RRP9: variants seen among roughly 807,000 people sequenced by gnomAD.
RRP9 encodes the protein ribosomal RNA processing 9, U3 small nucleolar RNA binding protein, also known as U3 small nucleolar RNA-interacting protein 2.
Under a neutral mutation model 65.5 loss-of-function variants are expected in RRP9, and 35 were observed. The observed-to-expected ratio is 0.53, with a 90% CI of 0.41 to 0.71. The LOEUF (loss-of-function observed/expected upper bound fraction) is 0.71, where lower values mean the gene tolerates loss of function less well. Among genes scored for constraint, RRP9 ranks in the 30% least tolerant of loss-of-function variants. RRP9 has a pLI of 0.00. For missense variants in RRP9, 533 were observed against 633.6 expected (o/e 0.84, Z 1.70); for synonymous variants, 254 against 245.0 (o/e 1.04, Z -0.34).
chr3:51,935,622 T>C lies in RRP9; in HGVS notation c.806A>G (p.Asn269Ser), dbSNP rs765933325. 1.9e-6 allele frequency: 3 copies of C among 1,614,176 alleles called. No homozygotes were observed. The South Asian group carries it at 3.3e-5, about 18-fold the overall frequency. The change falls in exon 9 of 15, where the codon AAT becomes AGT. Residue 269 changes from asparagine to serine, a missense_variant. This residue lies in a region of RRP9 where 449 missense variants were observed against 550.6 expected (regional missense o/e 0.82). Transcript: ENST00000232888. ...TSHDRSVKVWNVAENSYVETL... is the reference protein window; with the variant it reads ...TSHDRSVKVWSVAENSYVETL... ...CTCCACGTAGGAGTTCTCTGCCACATTCCACACCTTCACGGAGCGATCGTG... is the reference window on the plus strand; with the variant it reads ...CTCCACGTAGGAGTTCTCTGCCACACTCCACACCTTCACGGAGCGATCGTG...
chr3:51,936,635 A>T, intron 6 of RRP9, 80 bp from the exon 7 acceptor site: 1 of 1,456,944 alleles, frequency 6.9e-7, no homozygotes, highest in Non-Finnish European at 9.4e-7. Context: ...GGCAGCATGG[A>T]AAAAAGAGCC....
rs1023379376 is a variant in RRP9 at position 51,941,828 on chromosome 3, C to T, written c.40G>A (p.Ala14Thr). Reference sequence around the variant, plus strand: ...CCCGCGCCAGCCCCGGCCCCAGAGGCCGGCTTTCCCCGCTTACGAGCAGCC... The same window carrying T: ...CCCGCGCCAGCCCCGGCCCCAGAGGTCGGCTTTCCCCGCTTACGAGCAGCC... Reference protein sequence around the residue: ...TAAARKRGKPASGAGAGAGAG... With the variant: ...TAAARKRGKPTSGAGAGAGAG... Residue 14 changes from alanine to threonine, a missense_variant, in exon 1 of 15, where the codon GCC becomes ACC. By Grantham distance (58) the Ala-to-Thr change is moderately conservative. Around this residue, in one of 3 missense-constraint regions of RRP9, gnomAD observed 77 missense variants for 60.5 expected, o/e 1.27. Transcript: ENST00000232888. The T allele has an allele frequency of 2.5e-6, 4 of 1,582,252 alleles. No individual in the cohort carries two copies. The highest frequency in any genetic ancestry group is 1.1e-5 in the South Asian group (1 of 88,204).
chr3:51,936,960 A>C, intron 6 of RRP9, among the ~76,000 whole-genome samples: 1 of 152,210 alleles, frequency 6.6e-6, no homozygotes, highest in East Asian at 1.9e-4. Flanking sequence ...ATTAATTCCC[A>C]TTAAATCATC....
rs779834933 is a variant in RRP9, at chr3:51,935,416, C to T, written c.897G>A (p.Thr299=). Reference sequence around the variant, plus strand: ...GTACAGTCCCATCCCGGCCCCCAGCCGTCACACAGCACTCCCGGCTCAAGG... The same window carrying T: ...GTACAGTCCCATCCCGGCCCCCAGCTGTCACACAGCACTCCCGGCTCAAGG... ...LDALSRECCV[T]AGGRDGTVRV... Residue 299 remains threonine, a synonymous_variant, in exon 10 of 15, where the codon ACG becomes ACA. Coordinates refer to ENST00000232888, the MANE Select transcript of RRP9 (RefSeq NM_004704.5). 9 of 1,614,190 alleles carry T rather than the reference C, an allele frequency of 5.6e-6. No homozygotes were observed. The highest frequency in any genetic ancestry group is 2.2e-5 in the South Asian group (2 of 91,076).
intron 6 of RRP9, among the ~76,000 whole-genome samples, chr3:51,936,802 T>C (rs45494795): frequency 1.3e-5 from 2 of 152,274 alleles, no homozygotes; most frequent in Non-Finnish European, 2.9e-5. Flanking sequence ...GGCTTTGGGA[T>C]TGATGGTGTG....
In RRP9 at chr3:51,934,600, A is replaced by T; in HGVS notation, c.1180+31T>A. The T allele has an allele frequency of 6.2e-7, 1 of 1,613,018 alleles. No individual in the cohort carries two copies. On this transcript the variant is annotated intron_variant, in intron 12 of 14. Coordinates refer to ENST00000232888, the MANE Select transcript of RRP9 (RefSeq NM_004704.5). The surrounding 1 kb of genome is among the most constrained non-coding windows in gnomAD (Gnocchi z 4.1). ...AACCCCTGCACCGGCCCACCCGGCG[A>T]CCCCTCCTCCCTGCCTCTCAGGGCA...
In RRP9 at chr3:51,935,487, G is replaced by A. The variant is rs1699447839; in HGVS notation, c.837-11C>T. ...TCCTGGTGTCCGAAGCTAGAGGGCC[G>A]GGCAGAGCAGGATAGTGGGGATAGG... On this transcript the variant is annotated splice_polypyrimidine_tract_variant and intron_variant, in intron 9 of 14. Coordinates refer to ENST00000232888, the MANE Select transcript of RRP9 (RefSeq NM_004704.5). 16 of 1,613,942 alleles carry A rather than the reference G, an allele frequency of 9.9e-6. No individual in the cohort carries two copies. The highest frequency in any genetic ancestry group is 6.7e-5 in the East Asian group (3 of 44,866).
At chr3:51,940,233 G>C (rs1577652678) in intron 2 of RRP9, among the ~76,000 whole-genome samples, 2 of 151,960 alleles carry the variant, frequency 1.3e-5, no homozygotes, top group African/African-American at 4.8e-5. Flanking sequence ...TCCAGCCTGG[G>C]CAACAGAGTG....
chr3:51,937,352 T>C lies in RRP9; in HGVS notation c.391-34A>G. Reference sequence around the variant, plus strand: ...ACAGGGGCCAGGTCACTGTGGCTAGTGGCATAAAGGCACTACCTTCACCAA... The same window carrying C: ...ACAGGGGCCAGGTCACTGTGGCTAGCGGCATAAAGGCACTACCTTCACCAA... On this transcript the variant is annotated intron_variant, in intron 5 of 14. Transcript: ENST00000232888. This position sits in a 1 kb window ranked among gnomAD's most constrained non-coding sequence, Gnocchi z 5.0. 2 of 1,613,596 alleles carry C rather than the reference T, an allele frequency of 1.2e-6. No individual in the cohort carries two copies. Among genetic ancestry groups the C allele is most frequent in the Non-Finnish European group, 8.5e-7 (1 of 1,179,882 alleles).
rs1252389898 is a variant in RRP9 at position 51,937,298 on chromosome 3, A to C, written c.411T>G (p.Ala137=). The C allele has an allele frequency of 1.2e-6, 2 of 1,614,174 alleles. No homozygotes were observed. Among genetic ancestry groups the C allele is most frequent in the Non-Finnish European group, 1.7e-6 (2 of 1,180,016 alleles). The part of the protein sequence containing the change: ...VAKEIQAPAS[A]DIRVLRGHQL... ...GGTGCCCCCGTAAAACGCGAATGTC[A>C]GCTGAGGCTGGGGCCTGGATCTGGG... The change falls in exon 6 of 15, where the codon GCT becomes GCG. Residue 137 remains alanine, a synonymous_variant. Transcript: ENST00000232888. The surrounding 1 kb of genome is among the most constrained non-coding windows in gnomAD (Gnocchi z 5.0).
At chr3:51,939,598 T>C (rs988648905) in intron 2 of RRP9, among the ~76,000 whole-genome samples, 10 of 152,230 alleles carry the variant, frequency 6.6e-5, no homozygotes, top group African/African-American at 2.2e-4. Flanking sequence ...CACAACTGTG[T>C]GTGTTTGTCA....
At chr3:51,936,384 C>T (rs1699459530) in intron 7 of RRP9, 35 bp from the exon 8 acceptor site, 1 of 1,614,086 alleles carries the variant, frequency 6.2e-7, no homozygotes. Flanking sequence ...CAGGCACCCA[C>T]CATGCACCAG....
chr3:51,935,036 G>A (rs538255556), intron 11 of RRP9, among the ~76,000 whole-genome samples, 161 bp downstream of exon 11: 9 of 152,030 alleles, frequency 5.9e-5, no homozygotes, highest in South Asian at 2.1e-4. Flanking sequence ...CACACAGCCC[G>A]GACAAGGCCA....
chr3:51,933,884 C>T (rs1699420623), intron 13 of RRP9, 103 bp from the exon 14 acceptor site: 1 of 1,082,064 alleles, frequency 9.2e-7, no homozygotes, highest in Non-Finnish European at 1.4e-6. Context: ...GGGTTAAATC[C>T]CTGCTCTGCC....
chr3:51,937,368 C>T lies in RRP9; in HGVS notation c.391-50G>A, dbSNP rs965047217. The T allele has an allele frequency of 1.2e-6, 2 of 1,612,360 alleles. No homozygotes were observed. Among genetic ancestry groups the T allele is most frequent in the East Asian group, 2.2e-5 (1 of 44,860 alleles). On this transcript the variant is annotated intron_variant, in intron 5 of 14. Transcript: ENST00000232888. This position sits in a 1 kb window ranked among gnomAD's most constrained non-coding sequence, Gnocchi z 5.0. ...TGTGGCTAGTGGCATAAAGGCACTA[C>T]CTTCACCAACCCCACTGCGTAGTGT...
rs567976370 is a variant in RRP9 at position 51,938,079 on chromosome 3, C to T, written c.280+16G>A. On this transcript the variant is annotated intron_variant, in intron 3 of 14. Transcript: ENST00000232888. ...GGCAGAAGCCCTGCCCATGGCTGGC[C>T]TGCCCACTGGCTCACCTTGCTGACG... 98 of 1,584,036 alleles carry T rather than the reference C, an allele frequency of 6.2e-5. 1 individual carries two copies. In the South Asian group the frequency reaches 1.0e-3, roughly 17 times the overall value.
rs323889 is a variant in RRP9 at position 51,936,150 on chromosome 3, C to T, written c.735+107G>A. The T allele has an allele frequency of 8.0e-3, 8,386 of 1,046,530 alleles. 430 individuals carry two copies. In the African/African-American group the frequency reaches 0.12, roughly 14 times the overall value. 64.8% of individuals were successfully genotyped at this position (1,046,530 alleles called of 1,614,324 possible). ...GCACCACTCGCTACCCACTCGCTAC[C>T]CCAGGATGCAGGTTCCCTGAGGACA... On this transcript the variant is annotated intron_variant, in intron 8 of 14. Coordinates refer to ENST00000232888, the MANE Select transcript of RRP9 (RefSeq NM_004704.5).
chr3:51,935,153 C>G (rs371057227), intron 11 of RRP9, 44 bp downstream of exon 11: 32 of 1,610,074 alleles, frequency 2.0e-5, no homozygotes, highest in Non-Finnish European at 2.6e-5. Flanking sequence ...AGCCAGCACT[C>G]AGGAGCAGAA....
At chr3:51,939,476 TA>T (rs1699492419) in intron 2 of RRP9, among the ~76,000 whole-genome samples, 1 of 152,070 alleles carries the variant, frequency 6.6e-6, no homozygotes, top group Admixed American at 6.5e-5. Context: ...TGCACAACTC[TA>T]GGGGCAGTGG....
Sources: gnomAD v4.1 joint callset for allele counts (sites outside exome capture counted in the v4.1 genomes callset) on GRCh38, gnomAD v4.1.1 for gene constraint, gnomAD v4.1.1 regional missense constraint, Gnocchi (gnomAD v3.1) non-coding constraint, MANE v1.5 for transcripts, NCBI Gene and HGNC (gene_info 2026-07-23, HGNC 2026-07-21) for gene names.